FAM184A: variants seen among roughly 807,000 people sequenced by gnomAD.
FAM184A encodes family with sequence similarity 184 member A.
FAM184A carries 99 observed loss-of-function variants against 143.8 expected under a neutral mutation model. The ratio of observed to expected loss-of-function variants is 0.69; its 90% confidence interval spans 0.58 to 0.81. The LOEUF is 0.81. Ranked by LOEUF, FAM184A falls within the 40% of genes least tolerant of loss-of-function variation. The probability of loss-of-function intolerance (pLI) is 0.00; values close to 1 mark genes in which losing one functional copy is unlikely to be tolerated. For missense variants in FAM184A, 1,217 were observed against 1,310.5 expected, an observed-to-expected ratio of 0.93 and a Z score of 1.10; for synonymous variants, 427 against 446.4, an observed-to-expected ratio of 0.96 and a Z score of 0.55.
At chr6:119,089,821 G>A (rs1228505447) in intron 1 of FAM184A, among the ~76,000 whole-genome samples, 3 of 151,926 alleles carry the variant, frequency 2.0e-5, no homozygotes, top group African/African-American at 7.3e-5. Flanking sequence ...ATGATTTGTT[G>A]GTTTCTTGCT....
intron 9 of FAM184A, among the ~76,000 whole-genome samples, chr6:118,988,679 C>T (rs1182838792): frequency 6.6e-6 from 1 of 152,082 alleles, no homozygotes; most frequent in Non-Finnish European, 1.5e-5. Context: ...AGAAGAGACA[C>T]CCTTATATCT....
chr6:119,038,860 G>A (rs1303271082), intron 1 of FAM184A, among the ~76,000 whole-genome samples: 4 of 152,094 alleles, frequency 2.6e-5, no homozygotes, highest in Non-Finnish European at 4.4e-5. Context: ...AAAAAGCAGA[G>A]GGATTCAGTG....
intron 1 of FAM184A, chr6:119,025,387 T>G (rs913161308): frequency 1.4e-5 from 7 of 508,034 alleles, no homozygotes; most frequent in Non-Finnish European, 2.7e-5. Context: ...GATCCTCTTC[T>G]CTCTTCAAGT....
At chr6:119,032,610 GA>G (rs1428177553) in intron 1 of FAM184A, among the ~76,000 whole-genome samples, 1 of 136,132 alleles carries the variant, frequency 7.3e-6, no homozygotes, top group Admixed American at 7.4e-5. Flanking sequence ...GAAGAGGGGG[GA>G]GAGGGAGGGG....
At chr6:119,082,876 G>A (rs903031578), upstream of FAM184A, among the ~76,000 whole-genome samples, 2 of 152,206 alleles carry the variant, frequency 1.3e-5, no homozygotes, top group African/African-American at 4.8e-5. Flanking sequence ...GTACCCCAGT[G>A]GGGACTCTGT....
In FAM184A at chr6:118,979,821, T is replaced by C. The variant is rs527426265; in HGVS notation, c.2302-303A>G. Among the ~76,000 whole-genome samples, 12 of 152,070 alleles carry C rather than the reference T, an allele frequency of 7.9e-5. 1 individual carries two copies. Among genetic ancestry groups the C allele is most frequent in the African/African-American group, 2.9e-4 (12 of 41,488 alleles). On this transcript the variant is annotated intron_variant, in intron 10 of 17. Coordinates refer to ENST00000338891, the MANE Select transcript of FAM184A (RefSeq NM_024581.6). ...AGTTTGGGAGGACAAGGTGGAAGGA[T>C]TGCTTGAGCCCCAGAATTCAAGACC...
intron 1 of FAM184A, among the ~76,000 whole-genome samples, chr6:119,043,671 C>T (rs1230720051): frequency 6.6e-6 from 1 of 152,148 alleles, no homozygotes; most frequent in Non-Finnish European, 1.5e-5. Context: ...ATGTGATAAC[C>T]TAGTGAGGCT....
chr6:118,973,123 T>A (rs1783743691), intron 14 of FAM184A, among the ~76,000 whole-genome samples: 1 of 152,188 alleles, frequency 6.6e-6, no homozygotes, highest in South Asian at 2.1e-4. Flanking sequence ...AGTGCTTAAC[T>A]AATGTAACGA....
At chr6:119,025,242 C>A (rs962576659) in intron 1 of FAM184A, among the ~76,000 whole-genome samples, 6 of 152,108 alleles carry the variant, frequency 3.9e-5, no homozygotes, top group African/African-American at 1.4e-4. Flanking sequence ...CCTAGAGATA[C>A]GAGAGGCTTC....
rs537996212 is a variant in FAM184A, at chr6:119,029,854, CTTGT to C, written c.160-5045_160-5042del. ...TATTATTGGAGCACAGTTATGTCCACTTGTTTATGTATTGCCTATAGCTGCTTTC... is the reference window on the plus strand; with the variant it reads ...TATTATTGGAGCACAGTTATGTCCACTTATGTATTGCCTATAGCTGCTTTC... On this transcript the variant is annotated intron_variant, in intron 1 of 17. Transcript: ENST00000338891. Among the ~76,000 whole-genome samples the C allele has an allele frequency of 5.2e-3, 796 of 152,166 alleles. 1 individual carries two copies. Among genetic ancestry groups the C allele is most frequent in the Non-Finnish European group, 5.9e-3 (403 of 67,990 alleles).
At chr6:118,968,311 T>C (rs1042150434) in intron 14 of FAM184A, among the ~76,000 whole-genome samples, 3 of 152,242 alleles carry the variant, frequency 2.0e-5, no homozygotes, top group African/African-American at 4.8e-5. Flanking sequence ...TAAGAAAGTT[T>C]ACGAATTTGT....
intron 1 of FAM184A, among the ~76,000 whole-genome samples, chr6:119,096,072 G>T (rs904246231): frequency 6.6e-5 from 10 of 152,122 alleles, no homozygotes; most frequent in African/African-American, 1.9e-4. Context: ...CATTTGAAAA[G>T]AATTCTTTAG....
intron 17 of FAM184A, chr6:118,960,633 C>T: frequency 2.8e-6 from 1 of 354,064 alleles, no homozygotes; most frequent in Non-Finnish European, 5.5e-6. Context: ...TTTCATAATT[C>T]CCTATGCAAA....
At chr6:119,139,699 T>G (rs1005537750) in intron 1 of FAM184A, among the ~76,000 whole-genome samples, 1 of 151,194 alleles carries the variant, frequency 6.6e-6, no homozygotes, top group African/African-American at 2.4e-5. Context: ...TAAAACTAAA[T>G]TAATTGGCAT....
At chr6:119,038,133 G>A (rs1276199636) in intron 1 of FAM184A, among the ~76,000 whole-genome samples, 37 of 152,092 alleles carry the variant, frequency 2.4e-4, no homozygotes, top group Admixed American at 2.4e-3. Context: ...AGTTTGCAAA[G>A]GGCAGTTAAA....
chr6:119,056,465 T>C (rs1400895164), intron 1 of FAM184A, among the ~76,000 whole-genome samples: 2 of 152,224 alleles, frequency 1.3e-5, no homozygotes, highest in East Asian at 1.9e-4. Flanking sequence ...AGTAACATTT[T>C]ATGCTTACTA....
chr6:119,020,410 G>A (rs761756644), intron 3 of FAM184A, among the ~76,000 whole-genome samples: 4 of 151,748 alleles, frequency 2.6e-5, no homozygotes, highest in East Asian at 1.9e-4. Flanking sequence ...ACCTCGTACC[G>A]TTTTACTGGT....
chr6:119,021,649 A>C (rs1785452102), intron 3 of FAM184A, among the ~76,000 whole-genome samples: 1 of 151,616 alleles, frequency 6.6e-6, no homozygotes, highest in Non-Finnish European at 1.5e-5. Context: ...CACTGCACTC[A>C]AGCCTGAGCA....
intron 1 of FAM184A, among the ~76,000 whole-genome samples, chr6:119,054,132 TTA>T (rs1351036676): frequency 6.6e-5 from 10 of 152,314 alleles, no homozygotes; most frequent in Admixed American, 2.0e-4. Context: ...CCCAATACAT[TTA>T]TCTTTCTACT....
Sources: allele counts gnomAD v4.1 joint callset (sites outside exome capture counted in the v4.1 genomes callset), GRCh38; gene constraint gnomAD v4.1.1; transcripts MANE v1.5; gene names NCBI Gene and HGNC (gene_info 2026-07-23, HGNC 2026-07-21).